NSF: variants seen among roughly 807,000 people sequenced by gnomAD.
NSF encodes the protein N-ethylmaleimide sensitive factor, vesicle fusing ATPase.
Under a neutral mutation model 50.3 loss-of-function variants are expected in NSF, and 14 were observed. The observed-to-expected ratio is 0.28, with a 90% confidence interval of 0.18 to 0.44. The LOEUF is 0.44. Ranked by LOEUF, NSF falls within the 20% of genes least tolerant of loss-of-function variation. The pLI is 1.00. For missense variants in NSF, 218 were observed against 504.3 expected, an observed-to-expected ratio of 0.43 and a Z score of 5.44; for synonymous variants, 109 against 175.7, an observed-to-expected ratio of 0.62 and a Z score of 3.00.
chr17:46,746,942 A>T (rs926152870), intron 17 of NSF, among the ~76,000 whole-genome samples: 21 of 152,198 alleles, frequency 1.4e-4, no homozygotes, highest in African/African-American at 4.8e-4. Flanking sequence ...AAATGGCGAG[A>T]TACCCAGAAA....
In NSF at chr17:46,751,652, A is replaced by G. The variant is rs1050878380; in HGVS notation, c.2157+36A>G. ...TCGTTCTCCGTATGACTCAGACAGA[A>G]CAAAGCTTCAGGACACACCAAGAGG... On this transcript the variant is annotated intron_variant, in intron 19 of 20. Coordinates refer to ENST00000398238, the MANE Select transcript of NSF (RefSeq NM_006178.4). The G allele has an allele frequency of 2.9e-6, 4 of 1,375,652 alleles. No individual in the cohort carries two copies. The African/African-American group carries it at 5.7e-5, about 19-fold the overall frequency. The allele number at this position is 1,375,652 out of a possible 1,614,324, so 85.2% of individuals were successfully genotyped here.
chr17:46,605,380 G>A (rs1260023284), intron 1 of NSF, among the ~76,000 whole-genome samples: 3 of 133,386 alleles, frequency 2.2e-5, no homozygotes, highest in East Asian at 4.2e-4. Flanking sequence ...CCTGGGAGGT[G>A]GAGGTTGCAG....
chr17:46,634,924 CTTTG>C (rs1245530732), intron 4 of NSF, among the ~76,000 whole-genome samples: 1 of 53,314 alleles, frequency 1.9e-5, no homozygotes, highest in African/African-American at 1.0e-4. Context: ...AAGAAAACAG[CTTTG>C]TTTGTAAACC....
chr17:46,724,542 C>T (rs1165062757), intron 15 of NSF, among the ~76,000 whole-genome samples: 1 of 152,076 alleles, frequency 6.6e-6, no homozygotes, highest in Admixed American at 6.6e-5. Flanking sequence ...CAAAGCAAGC[C>T]CCATAGTTAT....
intron 18 of NSF, among the ~76,000 whole-genome samples, chr17:46,751,132 C>G (rs1279991712): frequency 2.0e-5 from 3 of 152,126 alleles, no homozygotes; most frequent in Non-Finnish European, 4.4e-5. Flanking sequence ...ATGTAGACAG[C>G]TTTTGTGCAG....
At chr17:46,748,921 A>C in intron 17 of NSF, among the ~76,000 whole-genome samples, 1 of 152,248 alleles carries the variant, frequency 6.6e-6, no homozygotes, top group East Asian at 1.9e-4. Context: ...TTGTATAAAC[A>C]TAATAAATAC....
At chr17:46,733,393 C>T (rs1298698642) in intron 17 of NSF, among the ~76,000 whole-genome samples, 1 of 151,840 alleles carries the variant, frequency 6.6e-6, no homozygotes, top group East Asian at 1.9e-4. Flanking sequence ...AAAAGGAACT[C>T]CTTGGGCTGT....
intron 15 of NSF, among the ~76,000 whole-genome samples, chr17:46,724,063 G>T (rs567380278): frequency 8.2e-4 from 124 of 152,024 alleles, no homozygotes; most frequent in African/African-American, 3.0e-3. Context: ...AATTCTTATT[G>T]ACCGTTCCTG....
chr17:46,745,771 T>G (rs1012382551), intron 17 of NSF, among the ~76,000 whole-genome samples: 1 of 152,244 alleles, frequency 6.6e-6, no homozygotes, highest in Non-Finnish European at 1.5e-5. Context: ...CCTTTAGGGC[T>G]ATGTTCCCAA....
chr17:46,716,517 G>T (rs1370399700), intron 15 of NSF, among the ~76,000 whole-genome samples: 1 of 151,952 alleles, frequency 6.6e-6, no homozygotes, highest in African/African-American at 2.4e-5. Flanking sequence ...TCAGCCTCCC[G>T]AAGTGCTGGA....
chr17:46,747,614 G>T (rs955553854), intron 17 of NSF, among the ~76,000 whole-genome samples: 1 of 152,056 alleles, frequency 6.6e-6, no homozygotes, highest in Non-Finnish European at 1.5e-5. Context: ...AATTGCACAG[G>T]ATGCAATTAA....
At chr17:46,742,488 G>C (rs2146324082) in intron 17 of NSF, among the ~76,000 whole-genome samples, 1 of 152,336 alleles carries the variant, frequency 6.6e-6, no homozygotes, top group Non-Finnish European at 1.5e-5. Context: ...TGATGAAGGA[G>C]AACTAGCAAG....
At chr17:46,713,828 C>G (rs1218442612) in intron 14 of NSF, 25 bp from the exon 15 acceptor site, 2 of 1,597,898 alleles carry the variant, frequency 1.3e-6, no homozygotes, top group Non-Finnish European at 1.7e-6. Context: ...CTTTTTTCCC[C>G]TGACTTGCTC....
chr17:46,609,299 CT>C (rs1387264138), intron 1 of NSF, among the ~76,000 whole-genome samples: 1 of 144,788 alleles, frequency 6.9e-6, no homozygotes, highest in Non-Finnish European at 1.5e-5. Flanking sequence ...AAATAATGTT[CT>C]TTTTCTTAAA....
intron 17 of NSF, among the ~76,000 whole-genome samples, 195 bp from the exon 18 acceptor site, chr17:46,749,578 C>A (rs1407743789): frequency 6.6e-6 from 1 of 152,100 alleles, no homozygotes; most frequent in Non-Finnish European, 1.5e-5. Flanking sequence ...CACATGTTGC[C>A]ACTTTCTGAA....
chr17:46,625,879 T>TAA lies in NSF; in HGVS notation c.99-710_99-709dup, dbSNP rs147622864. On this transcript the variant is annotated intron_variant, in intron 2 of 20. Coordinates refer to ENST00000398238, the MANE Select transcript of NSF (RefSeq NM_006178.4). ...GTCAACATAGCAAGACCACATGTAT[T>TAA]AAAAAAAAAAAAAAAAAAAAAAAAA... 5.5e-3 allele frequency among the ~76,000 whole-genome samples: 322 copies of TAA among 58,934 alleles called. 6 individuals carry two copies. The highest frequency in any genetic ancestry group is 7.6e-3 in the Non-Finnish European group (245 of 32,054). The allele number at this position is 58,934 out of a possible 152,430, so 38.7% of individuals were successfully genotyped here. A position where few individuals can be genotyped will look rare whatever the true frequency, so the allele number is the denominator to read the frequency against.
In NSF at chr17:46,739,327, C is replaced by T. The variant is rs531100018; in HGVS notation, c.1908+10393C>T. On this transcript the variant is annotated intron_variant, in intron 17 of 20. Coordinates refer to ENST00000398238, the MANE Select transcript of NSF (RefSeq NM_006178.4). ...TGGAGGTTGCAGCGAGCCGAGATCG[C>T]GCCACTGCACTCCAGCCTGGGCAAC... Among the ~76,000 whole-genome samples the T allele has an allele frequency of 1.0e-3, 146 of 145,548 alleles. 1 individual carries two copies. Among genetic ancestry groups the T allele is most frequent in the African/African-American group, 3.4e-3 (134 of 39,434 alleles).
intron 15 of NSF, chr17:46,721,443 C>T: frequency 1.6e-6 from 1 of 613,910 alleles, no homozygotes; most frequent in South Asian, 2.1e-5. Flanking sequence ...TTCAGACTTC[C>T]CTCCTAACTT....
chr17:46,725,307 A>C (rs1394589833), intron 15 of NSF, among the ~76,000 whole-genome samples: 3 of 152,186 alleles, frequency 2.0e-5, no homozygotes, highest in Admixed American at 6.5e-5. Flanking sequence ...TCCACCTCAC[A>C]GTCCAGTGGG....
Sources: gnomAD v4.1 joint callset for allele counts (sites outside exome capture counted in the v4.1 genomes callset) on GRCh38, gnomAD v4.1.1 for gene constraint, MANE v1.5 for transcripts, NCBI Gene and HGNC (gene_info 2026-07-23, HGNC 2026-07-21) for gene names.